Variants in COL5A2 observed in about 807,000 individuals in gnomAD.
The protein encoded by COL5A2 is collagen alpha-2(V) chain.
Under a neutral mutation model 208.2 loss-of-function variants are expected in COL5A2, and 23 were observed. The ratio of observed to expected loss-of-function variants is 0.11; its 90% CI spans 0.08 to 0.16. The LOEUF is 0.16. Among genes scored for constraint, COL5A2 ranks in the 10% least tolerant of loss-of-function variants. COL5A2 has a pLI of 1.00. For missense variants in COL5A2, 1,590 were observed against 1,956.4 expected, an observed-to-expected ratio of 0.81 and a Z score of 3.53; for synonymous variants, 625 against 628.5, an observed-to-expected ratio of 0.99 and a Z score of 0.08.
intron 1 of COL5A2, among the ~76,000 whole-genome samples, chr2:189,190,238 AC>A (rs1233316310): frequency 6.6e-6 from 1 of 152,160 alleles, no homozygotes. Flanking sequence ...TTGGAGGAAC[AC>A]CTGGATTTCA....
At position 189,154,379 on chromosome 2, in the gene COL5A2, C is replaced by T. The variant is rs578158038; in HGVS notation, c.97+25129G>A. On this transcript the variant is annotated intron_variant, in intron 1 of 53. Coordinates refer to ENST00000374866, the MANE Select transcript of COL5A2 (RefSeq NM_000393.5). ...AAGGTTTAATAAGGATGCGCTCATT[C>T]GCTAGGAGAATCATAATTCATGACT... 2.0e-5 allele frequency among the ~76,000 whole-genome samples: 3 copies of T among 152,288 alleles called. No homozygotes were observed. The South Asian group carries it at 6.2e-4, about 32-fold the overall frequency.
chr2:189,322,561 A>C, the COL5A2 span, among the ~76,000 whole-genome samples: 3 of 152,228 alleles, frequency 2.0e-5, no homozygotes, highest in African/African-American at 4.8e-5. Context: ...CTACGCAAAT[A>C]AACTAGAAAA....
Position 189,189,894 on chromosome 2 carries a change from G to A in COL5A2, c.-42+35254C>T, listed in dbSNP as rs12999996. Among the ~76,000 whole-genome samples the A allele has an allele frequency of 1.4e-3, 206 of 151,956 alleles. 1 individual carries two copies. The highest frequency in any genetic ancestry group is 4.8e-3 in the African/African-American group (200 of 41,400). On this transcript the variant is annotated intron_variant, in intron 1 of 10. Coordinates refer to the COL5A2 transcript ENST00000649966. ...CAAGGACCCATGCATTGATTATACC[G>A]CTTAGAAATCAGCAGCAATCCAAAT...
the COL5A2 span, among the ~76,000 whole-genome samples, chr2:189,349,668 G>A: frequency 1.3e-5 from 2 of 152,210 alleles, no homozygotes; most frequent in South Asian, 4.1e-4. Flanking sequence ...TTTATGTTTA[G>A]GTTTAGGTTT....
At chr2:189,295,250 T>G in the COL5A2 span, among the ~76,000 whole-genome samples, 3 of 152,200 alleles carry the variant, frequency 2.0e-5, no homozygotes, top group African/African-American at 7.2e-5. Context: ...TAGTGGCAAA[T>G]TAAGCTTGAG....
At chr2:189,199,220 A>G (rs1689042087) in intron 1 of COL5A2, among the ~76,000 whole-genome samples, 1 of 152,214 alleles carries the variant, frequency 6.6e-6, no homozygotes, top group African/African-American at 2.4e-5. Context: ...TGGCCACTTT[A>G]TTAATTCTAT....
At chr2:189,200,850 C>A (rs1049847849) in intron 1 of COL5A2, among the ~76,000 whole-genome samples, 15 of 152,060 alleles carry the variant, frequency 9.9e-5, no homozygotes, top group African/African-American at 3.6e-4. Flanking sequence ...AAATGTCAAT[C>A]AAAAATTCTT....
At chr2:189,435,379 G>T in the COL5A2 span, among the ~76,000 whole-genome samples, 102 of 152,234 alleles carry the variant, frequency 6.7e-4, 3 homozygotes, top group East Asian at 0.015. Flanking sequence ...GACCATCAGA[G>T]TGAACAGGCA....
In COL5A2 at chr2:189,104,209, T is replaced by C. The variant is rs1421402963; in HGVS notation, c.336+55A>G. 35 of 1,231,624 alleles carry C rather than the reference T, an allele frequency of 2.8e-5. No individual in the cohort carries two copies. The East Asian group carries it at 7.0e-4, about 25-fold the overall frequency. 76.3% of individuals were successfully genotyped at this position (1,231,624 alleles called of 1,614,324 possible). On this transcript the variant is annotated intron_variant, in intron 3 of 53. Coordinates refer to ENST00000374866, the MANE Select transcript of COL5A2 (RefSeq NM_000393.5). Reference sequence around the variant, plus strand: ...GTTTCAGAGCACAGTTCTGTGTGGATAGTATTGGATATAAGTCTGCTTATG... The same window carrying C: ...GTTTCAGAGCACAGTTCTGTGTGGACAGTATTGGATATAAGTCTGCTTATG...
At chr2:189,353,774 G>GT in the COL5A2 span, among the ~76,000 whole-genome samples, 1 of 151,948 alleles carries the variant, frequency 6.6e-6, no homozygotes, top group Admixed American at 6.6e-5. Context: ...TTTGAATACC[G>GT]TTTTTTTCTT....
At chr2:189,399,238 A>G in the COL5A2 span, among the ~76,000 whole-genome samples, 4 of 149,696 alleles carry the variant, frequency 2.7e-5, no homozygotes, top group South Asian at 2.1e-4. Context: ...TTATCTTAAA[A>G]TATTTATTTT....
the COL5A2 span, chr2:189,311,465 T>C: frequency 9.3e-7 from 1 of 1,075,740 alleles, no homozygotes; most frequent in Non-Finnish European, 1.4e-6. Flanking sequence ...CAGGGCCTCC[T>C]ATTCCTGGGC....
intron 1 of COL5A2, among the ~76,000 whole-genome samples, chr2:189,124,513 A>C (rs1324654107): frequency 1.3e-5 from 2 of 152,198 alleles, no homozygotes; most frequent in African/African-American, 4.8e-5. Context: ...GACTCCGTTC[A>C]GCAAACAGAA....
chr2:189,399,876 T>G, the COL5A2 span, among the ~76,000 whole-genome samples: 10 of 152,026 alleles, frequency 6.6e-5, no homozygotes, highest in African/African-American at 2.2e-4. Context: ...ATTTTTGTAT[T>G]TTTTTGTAGA....
the COL5A2 span, among the ~76,000 whole-genome samples, chr2:189,441,073 A>G: frequency 6.6e-6 from 1 of 152,094 alleles, no homozygotes; most frequent in Non-Finnish European, 1.5e-5. Context: ...GGGACGCGAG[A>G]GGCTCGCGTC....
chr2:189,274,350 G>A, the COL5A2 span, among the ~76,000 whole-genome samples: 5 of 152,100 alleles, frequency 3.3e-5, no homozygotes, highest in Non-Finnish European at 5.9e-5. Context: ...GAAGATTTAC[G>A]AAGTCTGAGG....
chr2:189,432,073 T>G, the COL5A2 span, among the ~76,000 whole-genome samples: 1 of 152,130 alleles, frequency 6.6e-6, no homozygotes, highest in Non-Finnish European at 1.5e-5. Context: ...ATTTTCAACC[T>G]AGAATTTCAT....
chr2:189,390,219 C>T, the COL5A2 span, among the ~76,000 whole-genome samples: 13 of 152,214 alleles, frequency 8.5e-5, no homozygotes, highest in Non-Finnish European at 1.3e-4. Flanking sequence ...CCCTGGAGCT[C>T]ACCCGCACAA....
At chr2:189,108,756 A>T (rs1687200501) in intron 2 of COL5A2, among the ~76,000 whole-genome samples, 2 of 151,624 alleles carry the variant, frequency 1.3e-5, no homozygotes, top group East Asian at 1.9e-4. Context: ...TGCCTTCTAC[A>T]TCTATTATTT....
Sources: gnomAD v4.1 joint callset for allele counts (sites outside exome capture counted in the v4.1 genomes callset) on GRCh38, gnomAD v4.1.1 for gene constraint, MANE v1.5 for transcripts, NCBI Gene and HGNC (gene_info 2026-07-23, HGNC 2026-07-21) for gene names.